Variants in ZC3H7A observed in about 807,000 individuals in gnomAD.
ZC3H7A encodes zinc finger CCCH domain-containing protein 7A.
Under a neutral mutation model 125.5 loss-of-function variants are expected in ZC3H7A, and 44 were observed. The ratio of observed to expected loss-of-function variants is 0.35; its 90% CI spans 0.28 to 0.45. The LOEUF (loss-of-function observed/expected upper bound fraction) is 0.45. Ranked by LOEUF, ZC3H7A falls within the 20% of genes least tolerant of loss-of-function variation. The pLI, the probability that ZC3H7A is intolerant of heterozygous loss-of-function variation, is 1.00. For synonymous variants in ZC3H7A, 399 were observed against 391.2 expected (o/e 1.02, Z -0.23); for missense variants, 977 against 1,170.7 (o/e 0.83, Z 2.41).
chr16:11,762,512 T>C (rs1471694113), intron 17 of ZC3H7A, among the ~76,000 whole-genome samples, 159 bp downstream of exon 17: 4 of 152,162 alleles, frequency 2.6e-5, no homozygotes, highest in Non-Finnish European at 5.9e-5. Context: ...GATGATCAAC[T>C]AAAATGCAAA....
At chr16:11,755,516 G>A (rs2052628904) in intron 21 of ZC3H7A, among the ~76,000 whole-genome samples, 1 of 152,168 alleles carries the variant, frequency 6.6e-6, no homozygotes, top group Non-Finnish European at 1.5e-5. Context: ...AGGCCAGACT[G>A]CAGGCGTAAG....
intron 8 of ZC3H7A, 29 bp downstream of exon 8, chr16:11,774,951 A>G (rs752010611): frequency 5.0e-6 from 8 of 1,613,124 alleles, no homozygotes; most frequent in South Asian, 1.1e-5. Flanking sequence ...GCACTATTCA[A>G]ATTGTTAAGA....
intron 1 of ZC3H7A, among the ~76,000 whole-genome samples, chr16:11,784,397 G>T (rs1310031883): frequency 6.6e-6 from 1 of 151,912 alleles, no homozygotes; most frequent in Non-Finnish European, 1.5e-5. Flanking sequence ...ATTTAAGGAA[G>T]CACTATTTGT....
At chr16:11,767,066 C>T (rs2052872675) in intron 13 of ZC3H7A, among the ~76,000 whole-genome samples, 1 of 152,190 alleles carries the variant, frequency 6.6e-6, no homozygotes, top group Non-Finnish European at 1.5e-5. Context: ...TCCTACACCA[C>T]ATACTGACAT....
chr16:11,789,400 G>A (rs999635147), intron 1 of ZC3H7A, among the ~76,000 whole-genome samples: 2 of 151,926 alleles, frequency 1.3e-5, no homozygotes, highest in African/African-American at 4.8e-5. Flanking sequence ...GATTACAGGC[G>A]CACGTCACCA....
intron 1 of ZC3H7A, among the ~76,000 whole-genome samples, chr16:11,792,593 C>G (rs1022174586): frequency 2.6e-5 from 4 of 152,234 alleles, no homozygotes; most frequent in Non-Finnish European, 5.9e-5. Flanking sequence ...TTACTGGACT[C>G]CAGGCACTGT....
Position 11,774,380 on chromosome 16 carries a change from G to C in ZC3H7A, c.759C>G (p.Ser253Arg). Residue 253 changes from serine to arginine, a missense_variant, in exon 9 of 23, where the codon AGC becomes AGG. By Grantham distance (110) the Ser-to-Arg change is moderately radical. Coordinates refer to ENST00000355758, the MANE Select transcript of ZC3H7A (RefSeq NM_014153.4). ...TSILPLQVEESALPSAVLANG... is the reference protein window; with the variant it reads ...TSILPLQVEERALPSAVLANG... ...TTGCCAGCACTGCAGATGGCAGAGCGCTCTCTTCCACTTGTAGTGGCAAAA... is the reference window on the plus strand; with the variant it reads ...TTGCCAGCACTGCAGATGGCAGAGCCCTCTCTTCCACTTGTAGTGGCAAAA... 1 of 1,613,802 alleles carries C rather than the reference G, an allele frequency of 6.2e-7. No homozygotes were observed. The highest frequency in any genetic ancestry group is 1.6e-4 in the Middle Eastern group (1 of 6,062).
chr16:11,781,252 T>G (rs570584900), intron 3 of ZC3H7A, among the ~76,000 whole-genome samples, 173 bp downstream of exon 3: 3 of 152,246 alleles, frequency 2.0e-5, no homozygotes, highest in African/African-American at 7.2e-5. Flanking sequence ...CAAATGAGTG[T>G]GGCTGTGTTC....
chr16:11,766,658 A>G (rs958303595), intron 13 of ZC3H7A, among the ~76,000 whole-genome samples: 1 of 152,228 alleles, frequency 6.6e-6, no homozygotes, highest in Non-Finnish European at 1.5e-5. Context: ...CCAGGCAGGC[A>G]GATAACTTGA....
intron 4 of ZC3H7A, among the ~76,000 whole-genome samples, chr16:11,778,669 T>A (rs1272395562): frequency 6.6e-6 from 1 of 152,040 alleles, no homozygotes; most frequent in African/African-American, 2.4e-5. Flanking sequence ...AACAAATTAT[T>A]TCTTAAATCC....
At chr16:11,761,707 A>G in intron 18 of ZC3H7A, 196 bp from the exon 19 acceptor site, 1 of 860,018 alleles carries the variant, frequency 1.2e-6, no homozygotes, top group South Asian at 1.9e-5. Flanking sequence ...AAACAAATTG[A>G]TAAAATACAG....
chr16:11,782,237 C>T, intron 2 of ZC3H7A, 50 bp downstream of exon 2: 1 of 1,605,638 alleles, frequency 6.2e-7, no homozygotes, highest in Non-Finnish European at 8.5e-7. Flanking sequence ...CATACATCCA[C>T]ACCAAAGAAT....
rs1197431341 is a variant in ZC3H7A, at chr16:11,761,402, G to T, written c.2319+4C>A. On this transcript the variant is annotated splice_donor_region_variant and intron_variant, in intron 19 of 22. Transcript: ENST00000355758. ...AAAAAGTGGCTTAAAAATTACGTAT[G>T]TACATCAAACTGTAAAGGCATTTGT... The T allele has an allele frequency of 6.2e-7, 1 of 1,613,024 alleles. No individual in the cohort carries two copies. The highest frequency in any genetic ancestry group is 8.5e-7 in the Non-Finnish European group (1 of 1,179,434).
At chr16:11,760,733 G>C (rs2052739570) in intron 19 of ZC3H7A, among the ~76,000 whole-genome samples, 1 of 152,168 alleles carries the variant, frequency 6.6e-6, no homozygotes, top group Non-Finnish European at 1.5e-5. Flanking sequence ...ATGCTCTCCA[G>C]ACCCTCTCTC....
At chr16:11,788,798 G>A (rs930185718) in intron 1 of ZC3H7A, among the ~76,000 whole-genome samples, 1 of 151,972 alleles carries the variant, frequency 6.6e-6, no homozygotes, top group Non-Finnish European at 1.5e-5. Context: ...ATTTTTAGTA[G>A]AGATGGGGTT....
intron 5 of ZC3H7A, 59 bp from the exon 6 acceptor site, chr16:11,776,591 T>C (rs1314285898): frequency 9.2e-6 from 14 of 1,526,350 alleles, no homozygotes; most frequent in Admixed American, 6.3e-5. Context: ...TGAAGAAGAA[T>C]AGACAAAACA....
At position 11,779,787 on chromosome 16, in the gene ZC3H7A, T is replaced by G. The variant is rs181771294; in HGVS notation, c.109-424A>C. Among the ~76,000 whole-genome samples the G allele has an allele frequency of 4.0e-3, 602 of 152,240 alleles. 3 individuals carry two copies. The highest frequency in any genetic ancestry group is 0.014 in the African/African-American group (563 of 41,528). On this transcript the variant is annotated intron_variant, in intron 3 of 22. Transcript: ENST00000355758. The stretch of plus-strand genomic sequence containing the variant: ...GCACCCATACACACTAGGTAGTGTG[T>G]GTGTGTGTACACGTGTGTGGGTACC...
chr16:11,761,692 ACT>A, intron 18 of ZC3H7A, 181 bp from the exon 19 acceptor site: 1 of 829,864 alleles, frequency 1.2e-6, no homozygotes. Context: ...CTCCCTACAA[ACT>A]CTAAACAAAT....
chr16:11,756,031 C>T (rs1453128659), intron 21 of ZC3H7A, among the ~76,000 whole-genome samples: 3 of 152,212 alleles, frequency 2.0e-5, no homozygotes, highest in East Asian at 1.9e-4. Context: ...GGCGTGGTGG[C>T]GCGAGCCTAT....
Sources: gnomAD v4.1 joint callset for allele counts (sites outside exome capture counted in the v4.1 genomes callset) on GRCh38, gnomAD v4.1.1 for gene constraint, MANE v1.5 for transcripts, NCBI Gene and HGNC (gene_info 2026-07-23, HGNC 2026-07-21) for gene names.